Variants in SLCO1B3 observed in about 807,000 individuals in gnomAD.
SLCO1B3 encodes solute carrier organic anion transporter family member 1B3, also known as liver-specific organic anion transporter 2.
Under a neutral mutation model 71.8 loss-of-function variants are expected in SLCO1B3, and 72 were observed. That is an observed-to-expected ratio of 1.00 (90% CI 0.83 to 1.22). The LOEUF is 1.22. Ranked by LOEUF, SLCO1B3 falls within the 50% of genes most tolerant of loss-of-function variation. The pLI is 0.00. For missense variants in SLCO1B3, 911 were observed against 819.7 expected, an observed-to-expected ratio of 1.11 and a Z score of -1.36; for synonymous variants, 298 against 278.4, an observed-to-expected ratio of 1.07 and a Z score of -0.70.
At chr12:20,828,100 T>A (rs985795672) in intron 3 of SLCO1B3, among the ~76,000 whole-genome samples, 2 of 152,146 alleles carry the variant, frequency 1.3e-5, no homozygotes, top group African/African-American at 4.8e-5. Context: ...ATTTAGTCTC[T>A]ATCTTTTAAT....
At chr12:20,842,950 G>T (rs547871118) in intron 3 of SLCO1B3, among the ~76,000 whole-genome samples, 2 of 152,250 alleles carry the variant, frequency 1.3e-5, no homozygotes, top group Admixed American at 1.3e-4. Flanking sequence ...TTCCCACTGT[G>T]AGATTACTGT....
At chr12:20,903,369 T>C (rs1052678570) in intron 15 of SLCO1B3, among the ~76,000 whole-genome samples, 5 of 152,212 alleles carry the variant, frequency 3.3e-5, no homozygotes, top group African/African-American at 1.2e-4. Flanking sequence ...GTTACATTCA[T>C]ATAGTGGAAT....
intron 8 of SLCO1B3, among the ~76,000 whole-genome samples, chr12:20,871,990 G>A (rs1014234754): frequency 6.6e-6 from 1 of 152,142 alleles, no homozygotes; most frequent in Non-Finnish European, 1.5e-5. Context: ...TAGGCCTCAG[G>A]CTGGCCTACA....
chr12:20,875,696 G>T (rs1267857097), intron 9 of SLCO1B3, among the ~76,000 whole-genome samples: 1 of 152,096 alleles, frequency 6.6e-6, no homozygotes, highest in Non-Finnish European at 1.5e-5. Flanking sequence ...CTTTAGAAGA[G>T]AGAAACCAAT....
At chr12:20,832,317 A>T (rs1864558904) in intron 3 of SLCO1B3, among the ~76,000 whole-genome samples, 1 of 152,022 alleles carries the variant, frequency 6.6e-6, no homozygotes, top group South Asian at 2.1e-4. Flanking sequence ...AAAACGACAC[A>T]CTTTGATTAT....
intron 3 of SLCO1B3, among the ~76,000 whole-genome samples, chr12:20,851,720 C>T (rs569130802): frequency 3.9e-5 from 6 of 152,266 alleles, no homozygotes; most frequent in African/African-American, 1.4e-4. Flanking sequence ...GGGTGTCATA[C>T]TCAAGAAATT....
chr12:20,868,301 A>G (rs184199971), intron 8 of SLCO1B3, among the ~76,000 whole-genome samples: 71 of 152,048 alleles, frequency 4.7e-4, no homozygotes, highest in Admixed American at 1.0e-3. Flanking sequence ...TTGGGGAACC[A>G]AAAGTTACAG....
rs374270009 is a variant in SLCO1B3, at chr12:20,858,754, CTTTA to C, written c.359+189_359+192del. On this transcript the variant is annotated intron_variant, in intron 5 of 15. Coordinates refer to ENST00000381545, the MANE Select transcript of SLCO1B3 (RefSeq NM_019844.4). ...GTATTGCTTTATTCATCATGTATTT[CTTTA>C]TTTATCATGGCTTTTATAAACTTTT... 312 of 394,788 alleles carry C rather than the reference CTTTA, an allele frequency of 7.9e-4. 3 individuals carry two copies. The South Asian group carries it at 0.022, about 28-fold the overall frequency. The allele number at this position is 394,788 out of a possible 1,614,324, so 24.5% of individuals were successfully genotyped here. A position where few individuals can be genotyped will look rare whatever the true frequency, so the allele number is the denominator to read the frequency against.
At position 20,883,551 on chromosome 12, in the gene SLCO1B3, ACT is replaced by A; in HGVS notation, c.1634_1635del (p.Ser545PhefsTer21). 6.2e-7 allele frequency: 1 copy of A among 1,603,402 alleles called. No individual in the cohort carries two copies. Among genetic ancestry groups the A allele is most frequent in the East Asian group, 2.3e-5 (1 of 44,006 alleles). ...ATCTATGTTGCAATTCAAGTCATAAACTCTTTGTTCTCTGCAACAGGAGGTAC... is the reference window on the plus strand; with the variant it reads ...ATCTATGTTGCAATTCAAGTCATAAACTTTGTTCTCTGCAACAGGAGGTAC... On this transcript the variant is annotated frameshift_variant, in exon 13 of 16. Transcript: ENST00000381545. LOFTEE classifies it high-confidence loss of function.
intron 3 of SLCO1B3, among the ~76,000 whole-genome samples, chr12:20,833,536 A>G (rs549660884): frequency 6.9e-6 from 1 of 145,414 alleles, no homozygotes; most frequent in South Asian, 2.1e-4. Flanking sequence ...TATAGTTTAT[A>G]TATGTATATT....
At position 20,855,127 on chromosome 12, in the gene SLCO1B3, T is replaced by A; in HGVS notation, c.184T>A (p.Ser62Thr). The A allele has an allele frequency of 1.2e-6, 2 of 1,612,226 alleles. No individual in the cohort carries two copies. Among genetic ancestry groups the A allele is most frequent in the Non-Finnish European group, 1.7e-6 (2 of 1,179,242 alleles). The change falls in exon 4 of 16, where the codon TCC becomes ACC. Residue 62 changes from serine (S) to threonine (T), a missense_variant. Coordinates refer to ENST00000381545, the MANE Select transcript of SLCO1B3 (RefSeq NM_019844.4). ...ITQIERRFDI[S>T]SSLAGLIDGS... ...TCAAATAGAAAGGAGATTTGACATA[T>A]CCTCTTCTCTTGCTGGTTTAATTGA...
chr12:20,881,495 G>C (rs1168414177), intron 12 of SLCO1B3, among the ~76,000 whole-genome samples: 2 of 152,128 alleles, frequency 1.3e-5, no homozygotes, highest in Non-Finnish European at 2.9e-5. Flanking sequence ...GGGACTCACT[G>C]TGGCCTTGGA....
chr12:20,911,259 T>C (rs1866368725), intron 15 of SLCO1B3, among the ~76,000 whole-genome samples: 1 of 152,196 alleles, frequency 6.6e-6, no homozygotes, highest in South Asian at 2.1e-4. Context: ...TATAATTGAT[T>C]TTTGAATGTT....
At chr12:20,888,715 C>G (rs1008101731) in intron 13 of SLCO1B3, among the ~76,000 whole-genome samples, 1 of 151,972 alleles carries the variant, frequency 6.6e-6, no homozygotes, top group African/African-American at 2.4e-5. Flanking sequence ...GATAGGACTT[C>G]CAATACTACG....
At chr12:20,901,061 G>C (rs1476491210) in intron 14 of SLCO1B3, among the ~76,000 whole-genome samples, 2 of 152,034 alleles carry the variant, frequency 1.3e-5, no homozygotes, top group Non-Finnish European at 2.9e-5. Context: ...TCAGACTTAA[G>C]TTAATAGGTA....
intron 3 of SLCO1B3, among the ~76,000 whole-genome samples, chr12:20,834,310 G>A (rs1864623574): frequency 7.0e-6 from 1 of 143,230 alleles, no homozygotes; most frequent in African/African-American, 2.5e-5. Context: ...TTATATATAG[G>A]TTGTATATAT....
chr12:20,857,880 A>G (rs899553681), intron 4 of SLCO1B3, among the ~76,000 whole-genome samples: 2 of 152,138 alleles, frequency 1.3e-5, no homozygotes, highest in Admixed American at 6.6e-5. Flanking sequence ...ACTCAACATT[A>G]CATCTCAAAT....
chr12:20,909,394 T>C lies in SLCO1B3; in HGVS notation c.1866-6610T>C, dbSNP rs186627885. Among the ~76,000 whole-genome samples, 96 of 151,134 alleles carry C rather than the reference T, an allele frequency of 6.4e-4. No individual in the cohort carries two copies. The East Asian group carries it at 0.01, about 16-fold the overall frequency. On this transcript the variant is annotated intron_variant, in intron 15 of 15. Transcript: ENST00000381545. ...TTCGCCATGTTAGCCAGGATGGTCT[T>C]GATCTCCTGACCTTGTGATCCGCCC...
At chr12:20,889,239 C>A (rs1828997213) in intron 13 of SLCO1B3, among the ~76,000 whole-genome samples, 1 of 151,764 alleles carries the variant, frequency 6.6e-6, no homozygotes, top group African/African-American at 2.4e-5. Flanking sequence ...GGATTCCTTC[C>A]CCCTTGATTT....
Sources: allele counts gnomAD v4.1 joint callset (sites outside exome capture counted in the v4.1 genomes callset), GRCh38; gene constraint gnomAD v4.1.1; transcripts MANE v1.5; gene names NCBI Gene and HGNC (gene_info 2026-07-23, HGNC 2026-07-21).